The following MAP4K4 variants were observed in gnomAD, a reference collection of about 807,000 sequenced individuals.
MAP4K4 encodes the protein mitogen-activated protein kinase kinase kinase kinase 4.
A neutral mutation model predicts 189.6 loss-of-function variants in MAP4K4; 38 were observed. The ratio of observed to expected loss-of-function variants is 0.20; its 90% CI spans 0.15 to 0.26. The LOEUF (loss-of-function observed/expected upper bound fraction) is 0.26, where lower values mean the gene tolerates loss of function less well. Ranked by LOEUF, MAP4K4 falls within the 10% of genes least tolerant of loss-of-function variation. The probability of loss-of-function intolerance (pLI) is 1.00; values close to 1 mark genes in which losing one functional copy is unlikely to be tolerated. For missense variants in MAP4K4, 1,054 were observed against 1,726.9 expected, an observed-to-expected ratio of 0.61 and a Z score of 6.91; for synonymous variants, 610 against 624.3, an observed-to-expected ratio of 0.98 and a Z score of 0.34.
chr2:101,724,527 GC>G (rs1048162429), intron 2 of MAP4K4, among the ~76,000 whole-genome samples: 1 of 152,156 alleles, frequency 6.6e-6, no homozygotes, highest in African/African-American at 2.4e-5. Context: ...GATTTATTGG[GC>G]TCCTGGTTCC....
chr2:101,794,645 A>G (rs2093462988), intron 3 of MAP4K4, among the ~76,000 whole-genome samples: 1 of 152,232 alleles, frequency 6.6e-6, no homozygotes. Context: ...TACGTATCAT[A>G]AAATTTTACC....
chr2:101,704,565 ATAT>A (rs532447347), intron 2 of MAP4K4, among the ~76,000 whole-genome samples: 451 of 40,298 alleles, frequency 0.011, no homozygotes, highest in East Asian at 0.013. Flanking sequence ...ATATATATAT[ATAT>A]TTTTTTTTTT....
At chr2:101,791,657 A>T (rs1162295279) in intron 3 of MAP4K4, among the ~76,000 whole-genome samples, 3 of 152,288 alleles carry the variant, frequency 2.0e-5, no homozygotes, top group Non-Finnish European at 4.4e-5. Context: ...CTGTCAAGGG[A>T]GATAATGGCT....
intron 3 of MAP4K4, among the ~76,000 whole-genome samples, chr2:101,819,145 T>C (rs2095886977): frequency 1.3e-5 from 2 of 152,236 alleles, no homozygotes; most frequent in Non-Finnish European, 2.9e-5. Flanking sequence ...CAGTTTTAGC[T>C]GGCCCCTAGT....
intron 2 of MAP4K4, among the ~76,000 whole-genome samples, chr2:101,762,056 G>GA (rs766382623): frequency 6.6e-6 from 1 of 152,106 alleles, no homozygotes; most frequent in Non-Finnish European, 1.5e-5. Flanking sequence ...TTCCCTGTCT[G>GA]AAAAAATAGA....
At chr2:101,831,935 C>T in intron 7 of MAP4K4, 84 bp downstream of exon 7, 1 of 1,468,004 alleles carries the variant, frequency 6.8e-7, no homozygotes, top group East Asian at 2.4e-5. Context: ...TTGCACACCC[C>T]TTGTCTGCCT....
intron 32 of MAP4K4, 61 bp from the exon 33 acceptor site, chr2:101,891,105 C>A: frequency 7.6e-7 from 1 of 1,316,346 alleles, no homozygotes; most frequent in South Asian, 1.2e-5. Context: ...GGCTTAGATT[C>A]CCTGGCTGGA....
chr2:101,699,345 AC>A (rs1008315016), intron 2 of MAP4K4, among the ~76,000 whole-genome samples: 8 of 152,220 alleles, frequency 5.3e-5, no homozygotes, highest in Non-Finnish European at 8.8e-5. Flanking sequence ...ACCTGATGTG[AC>A]TAACAGTGTT....
chr2:101,809,965 T>G (rs552130957), intron 3 of MAP4K4, among the ~76,000 whole-genome samples: 1 of 152,240 alleles, frequency 6.6e-6, no homozygotes, highest in Non-Finnish European at 1.5e-5. Flanking sequence ...CATAAGTGAT[T>G]TAAAAGCCCA....
chr2:101,833,027 C>T (rs2096634044), intron 7 of MAP4K4, among the ~76,000 whole-genome samples: 1 of 152,176 alleles, frequency 6.6e-6, no homozygotes, highest in African/African-American at 2.4e-5. Flanking sequence ...ACATGCAGAA[C>T]TGTTCATCCC....
At chr2:101,716,700 A>G (rs777256604) in intron 2 of MAP4K4, among the ~76,000 whole-genome samples, 1 of 152,084 alleles carries the variant, frequency 6.6e-6, no homozygotes, top group African/African-American at 2.4e-5. Context: ...GGACTGGGGC[A>G]TACTCAGTGT....
chr2:101,729,231 T>G (rs2057301386), intron 2 of MAP4K4, among the ~76,000 whole-genome samples: 1 of 113,504 alleles, frequency 8.8e-6, no homozygotes, highest in African/African-American at 3.9e-5. Context: ...AATATAGTTT[T>G]TATTTAATAT....
In MAP4K4 at chr2:101,698,541, C is replaced by A. The variant is rs778939190; in HGVS notation, c.123+3C>A. On this transcript the variant is annotated splice_donor_region_variant and intron_variant, in intron 2 of 32. Transcript: ENST00000324219. ...GCACCTATGGACAAGTCTATAAGGT[C>A]GGTGTGGGCGCCTTCTTTGTTTCCC... 6.2e-7 allele frequency: 1 copy of A among 1,612,786 alleles called. No individual in the cohort carries two copies. Among genetic ancestry groups the A allele is most frequent in the South Asian group, 1.1e-5 (1 of 90,994 alleles).
intron 2 of MAP4K4, among the ~76,000 whole-genome samples, chr2:101,759,893 G>A (rs112204346): frequency 0.097 from 14,540 of 150,338 alleles, 1,174 homozygotes; most frequent in African/African-American, 0.22. Flanking sequence ...AGCCAGGCTG[G>A]AGTGCAATGG....
chr2:101,736,416 G>A (rs563817298), intron 2 of MAP4K4, among the ~76,000 whole-genome samples: 1 of 152,148 alleles, frequency 6.6e-6, no homozygotes, highest in African/African-American at 2.4e-5. Context: ...GCCTTACCCA[G>A]CTGGGTCCTG....
intron 10 of MAP4K4, 117 bp downstream of exon 10, chr2:101,840,111 G>A: frequency 1.0e-6 from 1 of 982,440 alleles, no homozygotes; most frequent in Non-Finnish European, 1.4e-6. Flanking sequence ...GTGCTTGCAT[G>A]GTTTCTCTGC....
intron 2 of MAP4K4, among the ~76,000 whole-genome samples, chr2:101,749,340 C>G (rs1205764489): frequency 6.6e-6 from 1 of 151,536 alleles, no homozygotes; most frequent in Admixed American, 6.6e-5. Context: ...GAACAGAGCC[C>G]TCAGAAATAA....
chr2:101,822,831 G>C (rs528025858), intron 3 of MAP4K4, among the ~76,000 whole-genome samples: 47 of 152,312 alleles, frequency 3.1e-4, no homozygotes, highest in African/African-American at 1.1e-3. Context: ...TAGGGGACTA[G>C]TCATCTTTTC....
intron 3 of MAP4K4, among the ~76,000 whole-genome samples, chr2:101,823,577 T>G (rs2096203854): frequency 6.6e-6 from 1 of 152,222 alleles, no homozygotes; most frequent in African/African-American, 2.4e-5. Flanking sequence ...TCAGTCATTT[T>G]CCTTTTGTGG....
Sources: gnomAD v4.1 joint callset for allele counts (sites outside exome capture counted in the v4.1 genomes callset) on GRCh38, gnomAD v4.1.1 for gene constraint, MANE v1.5 for transcripts, NCBI Gene and HGNC (gene_info 2026-07-23, HGNC 2026-07-21) for gene names.